The following GBE1 variants were observed in gnomAD, a reference collection of about 807,000 sequenced individuals.
The protein encoded by GBE1 is 1,4-alpha-glucan branching enzyme 1.
GBE1 carries 70 observed loss-of-function variants against 88.8 expected under a neutral mutation model. That is an observed-to-expected ratio of 0.79 (90% CI 0.65 to 0.96). GBE1 has a LOEUF of 0.96. Among genes scored for constraint, GBE1 ranks in the 40% least tolerant of loss-of-function variants. GBE1 has a pLI of 0.00. For missense variants in GBE1, 872 were observed against 871.0 expected (o/e 1.00, Z -0.01); for synonymous variants, 284 against 300.1 (o/e 0.95, Z 0.56).
At chr3:81,715,100 G>T (rs1705923498) in intron 1 of GBE1, among the ~76,000 whole-genome samples, 1 of 152,076 alleles carries the variant, frequency 6.6e-6, no homozygotes, top group Admixed American at 6.6e-5. Flanking sequence ...GGCTCCAAAG[G>T]ACAAACTTTG....
At chr3:81,648,147 C>A (rs967730986) in intron 5 of GBE1, among the ~76,000 whole-genome samples, 6 of 152,016 alleles carry the variant, frequency 3.9e-5, no homozygotes, top group African/African-American at 7.2e-5. Flanking sequence ...TTTCTTCTAG[C>A]CAAAATTTGG....
intron 2 of GBE1, among the ~76,000 whole-genome samples, chr3:81,681,805 C>T (rs1705348890): frequency 6.6e-6 from 1 of 152,000 alleles, no homozygotes; most frequent in African/African-American, 2.4e-5. Flanking sequence ...GAAGCATATA[C>T]AAAACTAACT....
chr3:81,705,675 G>T, intron 1 of GBE1, 62 bp from the exon 2 acceptor site: 3 of 1,082,248 alleles, frequency 2.8e-6, no homozygotes, highest in Non-Finnish European at 3.9e-6. Flanking sequence ...AAAAGCTACT[G>T]TAATTAAGTA....
chr3:81,497,631 A>T (rs774674009), intron 15 of GBE1, among the ~76,000 whole-genome samples: 20 of 152,126 alleles, frequency 1.3e-4, no homozygotes, highest in Non-Finnish European at 2.9e-4. Context: ...GTTCTTCATA[A>T]CAGAACCCTG....
chr3:81,733,593 G>A lies in GBE1; in HGVS notation c.143+27782C>T, dbSNP rs373362093. Among the ~76,000 whole-genome samples the A allele has an allele frequency of 5.5e-4, 83 of 152,166 alleles. No individual in the cohort carries two copies. Among genetic ancestry groups the A allele is most frequent in the African/African-American group, 1.8e-3 (76 of 41,502 alleles). The stretch of plus-strand genomic sequence containing the variant: ...CTGGTACACTCTTCCACCAGACAGT[G>A]CATGACTAATTCCCCTGCAGGTCTT... On this transcript the variant is annotated intron_variant, in intron 1 of 15. Transcript: ENST00000429644. The surrounding 1 kb of genome is among the most constrained non-coding windows in gnomAD (Gnocchi z 4.0).
At chr3:81,736,848 C>A (rs1021951326) in intron 1 of GBE1, among the ~76,000 whole-genome samples, 4 of 152,100 alleles carry the variant, frequency 2.6e-5, no homozygotes, top group Non-Finnish European at 5.9e-5. Context: ...TGTTACATAC[C>A]ATTCACCCAA....
intron 2 of GBE1, among the ~76,000 whole-genome samples, chr3:81,673,686 ATACTT>A (rs1210532790): frequency 2.6e-5 from 4 of 152,078 alleles, no homozygotes; most frequent in African/African-American, 4.8e-5. Context: ...ATAAAGAAAA[ATACTT>A]TAACTATGTC....
In GBE1 at chr3:81,718,927, G is replaced by A. The variant is rs550418739; in HGVS notation, c.144-13314C>T. Among the ~76,000 whole-genome samples the A allele has an allele frequency of 1.6e-3, 247 of 151,974 alleles. 2 individuals carry two copies. The highest frequency in any genetic ancestry group is 5.5e-3 in the African/African-American group (227 of 41,464). On this transcript the variant is annotated intron_variant, in intron 1 of 15. Coordinates refer to ENST00000429644, the MANE Select transcript of GBE1 (RefSeq NM_000158.4). ...TGGGATTATAGGAGTTAGCCACCGC[G>A]CCCTGCCCACCCCAGTAAGTTTTGC...
intron 2 of GBE1, among the ~76,000 whole-genome samples, chr3:81,693,972 A>G (rs1705556578): frequency 6.6e-6 from 1 of 152,176 alleles, no homozygotes; most frequent in African/African-American, 2.4e-5. Flanking sequence ...CTGTTTTATG[A>G]TATTTTAGAA....
intron 12 of GBE1, among the ~76,000 whole-genome samples, chr3:81,557,702 T>C (rs112201452): frequency 0.013 from 2,017 of 152,140 alleles, 18 homozygotes; most frequent in Non-Finnish European, 0.022. Context: ...TAGGAGTTAT[T>C]TACATTAAAG....
At chr3:81,743,553 TCACCTCA>T in intron 1 of GBE1, 1 of 1,529,656 alleles carries the variant, frequency 6.5e-7, no homozygotes, top group Admixed American at 2.0e-5. Context: ...TCATAATGAG[TCACCTCA>T]CTTTAGCAAG....
chr3:81,542,117 C>T (rs1475056608), intron 12 of GBE1, among the ~76,000 whole-genome samples: 1 of 151,950 alleles, frequency 6.6e-6, no homozygotes, highest in Non-Finnish European at 1.5e-5. Context: ...TACCTATCTA[C>T]CAACTACCTA....
rs140687928 is a variant in GBE1, at chr3:81,706,489, G to T, written c.144-876C>A. Reference sequence around the variant, plus strand: ...GTAAAACTGGAGAAGTAAACCATGTGCCAGGTGCTCTATGTCAGAAGTGAA... The same window carrying T: ...GTAAAACTGGAGAAGTAAACCATGTTCCAGGTGCTCTATGTCAGAAGTGAA... On this transcript the variant is annotated intron_variant, in intron 1 of 15. Transcript: ENST00000429644. Among the ~76,000 whole-genome samples, 27 of 152,222 alleles carry T rather than the reference G, an allele frequency of 1.8e-4. No homozygotes were observed. In the East Asian group the frequency reaches 5.0e-3, roughly 28 times the overall value.
chr3:81,610,935 C>T (rs887112943), intron 7 of GBE1, among the ~76,000 whole-genome samples: 1 of 151,930 alleles, frequency 6.6e-6, no homozygotes, highest in Non-Finnish European at 1.5e-5. Context: ...CATCTAGCGA[C>T]CTTCTTTTGA....
intron 7 of GBE1, among the ~76,000 whole-genome samples, chr3:81,635,053 A>G (rs1704572849): frequency 1.3e-5 from 2 of 152,296 alleles, no homozygotes; most frequent in South Asian, 4.1e-4. Flanking sequence ...GTCTCAGACA[A>G]CTTGGCTATC....
At chr3:81,512,718 C>A (rs1219077880) in intron 14 of GBE1, among the ~76,000 whole-genome samples, 1 of 151,814 alleles carries the variant, frequency 6.6e-6, no homozygotes, top group Non-Finnish European at 1.5e-5. Flanking sequence ...CTGATCCTCA[C>A]ATGTAGATTG....
chr3:81,630,909 A>C (rs1055682260), intron 7 of GBE1, among the ~76,000 whole-genome samples: 1 of 152,190 alleles, frequency 6.6e-6, no homozygotes, highest in African/African-American at 2.4e-5. Context: ...GAAATATATA[A>C]GATGTTCCCT....
intron 3 of GBE1, among the ~76,000 whole-genome samples, chr3:81,668,239 T>C (rs115609867): frequency 0.013 from 2,046 of 151,968 alleles, 20 homozygotes; most frequent in Non-Finnish European, 0.023. Flanking sequence ...GGGAGGGAAC[T>C]CAGAGAACGG....
chr3:81,526,339 C>T (rs906374198), intron 14 of GBE1, among the ~76,000 whole-genome samples: 2 of 152,056 alleles, frequency 1.3e-5, no homozygotes. Context: ...CTCACCACTC[C>T]TATTCAACAT....
Sources: gnomAD v4.1 joint callset for allele counts (sites outside exome capture counted in the v4.1 genomes callset) on GRCh38, gnomAD v4.1.1 for gene constraint, Gnocchi (gnomAD v3.1) non-coding constraint, MANE v1.5 for transcripts, NCBI Gene and HGNC (gene_info 2026-07-23, HGNC 2026-07-21) for gene names.